GRID2: variants seen among roughly 807,000 people sequenced by gnomAD.
The protein encoded by GRID2 is glutamate ionotropic receptor delta type subunit 2.
In GRID2, 33 loss-of-function variants were observed where a neutral mutation model predicts 114.8. The observed-to-expected ratio is 0.29, with a 90% CI of 0.22 to 0.38. The LOEUF (loss-of-function observed/expected upper bound fraction) is 0.38. Ranked by LOEUF, GRID2 falls within the 10% of genes least tolerant of loss-of-function variation. The pLI is 1.00. For synonymous variants in GRID2, 505 were observed against 449.9 expected, an observed-to-expected ratio of 1.12 and a Z score of -1.55; for missense variants, 1,184 against 1,257.7, an observed-to-expected ratio of 0.94 and a Z score of 0.89.
At chr4:93,343,631 T>C (rs968772522) in intron 8 of GRID2, among the ~76,000 whole-genome samples, 1 of 152,146 alleles carries the variant, frequency 6.6e-6, no homozygotes, top group Non-Finnish European at 1.5e-5. Context: ...GGTATTTATT[T>C]ATCTTTCTGA....
At chr4:93,553,250 T>C (rs1191457524) in intron 13 of GRID2, among the ~76,000 whole-genome samples, 2 of 152,166 alleles carry the variant, frequency 1.3e-5, no homozygotes, top group African/African-American at 4.8e-5. Context: ...CCACCAACAG[T>C]GTAAAAGCAC....
At chr4:93,283,502 C>A (rs1045064271) in intron 8 of GRID2, among the ~76,000 whole-genome samples, 1 of 151,820 alleles carries the variant, frequency 6.6e-6, no homozygotes, top group African/African-American at 2.4e-5. Context: ...GAAAAGATAA[C>A]AAAATATCTG....
At chr4:93,288,195 G>A (rs1263995481) in intron 8 of GRID2, among the ~76,000 whole-genome samples, 1 of 152,162 alleles carries the variant, frequency 6.6e-6, no homozygotes, top group Non-Finnish European at 1.5e-5. Context: ...ATTAGAGACA[G>A]AGATACAGGC....
At chr4:93,557,291 C>T (rs1553953773) in intron 13 of GRID2, among the ~76,000 whole-genome samples, 1 of 152,044 alleles carries the variant, frequency 6.6e-6, no homozygotes, top group Non-Finnish European at 1.5e-5. Context: ...AAAGACACAG[C>T]CTGGCAAATT....
chr4:93,591,776 T>A (rs1394898267), intron 13 of GRID2, among the ~76,000 whole-genome samples: 1 of 152,354 alleles, frequency 6.6e-6, no homozygotes, highest in East Asian at 1.9e-4. Flanking sequence ...CTTCCTGGCT[T>A]AGTCTTGGGA....
intron 2 of GRID2, among the ~76,000 whole-genome samples, chr4:92,733,398 C>T (rs1013618687): frequency 6.6e-6 from 1 of 152,032 alleles, no homozygotes; most frequent in African/African-American, 2.4e-5. Context: ...AAGCTAATTC[C>T]AGGAAATGCT....
chr4:93,595,348 A>G (rs1328163110), intron 13 of GRID2, among the ~76,000 whole-genome samples: 3 of 152,186 alleles, frequency 2.0e-5, no homozygotes, highest in Admixed American at 1.3e-4. Flanking sequence ...CATGCATTAC[A>G]TAATCTTTTC....
chr4:93,208,280 A>T (rs887290849), intron 5 of GRID2, among the ~76,000 whole-genome samples: 4 of 151,978 alleles, frequency 2.6e-5, no homozygotes, highest in Non-Finnish European at 5.9e-5. Flanking sequence ...AGTCAGCAAG[A>T]TAGGTTTGAT....
At chr4:93,625,777 C>T (rs1477820038) in intron 13 of GRID2, among the ~76,000 whole-genome samples, 8 of 151,944 alleles carry the variant, frequency 5.3e-5, no homozygotes, top group South Asian at 2.1e-4. Flanking sequence ...TAGCGGGGCG[C>T]GGTGGTGGGC....
chr4:92,398,497 C>T (rs967263523), intron 1 of GRID2, among the ~76,000 whole-genome samples: 2 of 151,746 alleles, frequency 1.3e-5, no homozygotes, highest in African/African-American at 4.8e-5. Flanking sequence ...CAAGTTTTTG[C>T]CATGTTGCCC....
intron 8 of GRID2, among the ~76,000 whole-genome samples, chr4:93,389,068 C>T (rs1764598801): frequency 6.6e-6 from 1 of 152,116 alleles, no homozygotes; most frequent in Non-Finnish European, 1.5e-5. Flanking sequence ...TTGTCAGTTT[C>T]ATAAAAATTA....
At chr4:93,393,856 T>A (rs935238548) in intron 8 of GRID2, among the ~76,000 whole-genome samples, 1 of 151,972 alleles carries the variant, frequency 6.6e-6, no homozygotes, top group Non-Finnish European at 1.5e-5. Flanking sequence ...GAGACGAATT[T>A]AAGGGGGACA....
intron 13 of GRID2, among the ~76,000 whole-genome samples, chr4:93,604,672 C>T (rs1035133857): frequency 3.9e-5 from 6 of 152,100 alleles, no homozygotes; most frequent in African/African-American, 1.4e-4. Flanking sequence ...ATTTAATTGT[C>T]TTATTTTTAA....
At chr4:93,089,853 A>G (rs1407370247) in intron 3 of GRID2, among the ~76,000 whole-genome samples, 2 of 152,082 alleles carry the variant, frequency 1.3e-5, no homozygotes, top group Non-Finnish European at 2.9e-5. Flanking sequence ...AAGCAGCATG[A>G]CCCTCATAGT....
intron 8 of GRID2, among the ~76,000 whole-genome samples, chr4:93,361,878 G>T (rs141127956): frequency 1.3e-5 from 2 of 152,154 alleles, no homozygotes; most frequent in Admixed American, 1.3e-4. Context: ...AGGATGTGCA[G>T]GTTGGTTACA....
intron 1 of GRID2, among the ~76,000 whole-genome samples, chr4:92,440,598 G>A (rs1229963401): frequency 1.3e-5 from 2 of 152,096 alleles, no homozygotes; most frequent in African/African-American, 2.4e-5. Flanking sequence ...TTATTTCCTT[G>A]AGGATAGATT....
intron 1 of GRID2, among the ~76,000 whole-genome samples, chr4:92,444,844 TTTTTGGTATCAC>T (rs1339923505): frequency 6.6e-6 from 1 of 152,190 alleles, no homozygotes; most frequent in African/African-American, 2.4e-5. Context: ...GATTGATACA[TTTTTGGTATCAC>T]TTTTGGTATT....
intron 2 of GRID2, among the ~76,000 whole-genome samples, chr4:92,901,836 T>C (rs1269733033): frequency 1.3e-5 from 2 of 152,002 alleles, no homozygotes; most frequent in African/African-American, 4.8e-5. Context: ...TGTGTGTGTG[T>C]GTGTGTGTCC....
At chr4:92,686,834 T>C (rs1733931619) in intron 2 of GRID2, among the ~76,000 whole-genome samples, 1 of 152,120 alleles carries the variant, frequency 6.6e-6, no homozygotes, top group Admixed American at 6.6e-5. Context: ...TATTCAGAAA[T>C]GAGTAAACTA....
Sources: allele counts gnomAD v4.1 joint callset (sites outside exome capture counted in the v4.1 genomes callset), GRCh38; gene constraint gnomAD v4.1.1; transcripts MANE v1.5; gene names NCBI Gene and HGNC (gene_info 2026-07-23, HGNC 2026-07-21).